MS4A5: variants seen among roughly 807,000 people sequenced by gnomAD.
MS4A5 encodes membrane-spanning 4-domains subfamily A member 5.
MS4A5 carries 15 observed loss-of-function variants against 18.2 expected under a neutral mutation model. That is an observed-to-expected ratio of 0.83 (90% CI 0.55 to 1.27). MS4A5 has a LOEUF of 1.27. Among genes scored for constraint, MS4A5 ranks in the 50% most tolerant of loss-of-function variants. The probability of loss-of-function intolerance (pLI) is 0.00; values close to 1 mark genes in which losing one functional copy is unlikely to be tolerated. For missense variants in MS4A5, 232 were observed against 225.7 expected (o/e 1.03, Z -0.18); for synonymous variants, 89 against 78.7 (o/e 1.13, Z -0.69).
chr11:60,431,120 G>A (rs1048032795), intron 2 of MS4A5, among the ~76,000 whole-genome samples, 196 bp downstream of exon 2: 1 of 152,180 alleles, frequency 6.6e-6, no homozygotes, highest in Admixed American at 6.5e-5. Flanking sequence ...GTTCCTTTGG[G>A]AATACTTCTT....
rs1035100821 is a variant in MS4A5, at chr11:60,429,611, A to G, written c.-64A>G. ...CTCCAGGCAGCCTCAGCACAAGAAA[A>G]GAACATGGTCTAGACTGAAGTACCA... is the stretch of plus-strand genomic sequence containing the variant. On this transcript the variant is annotated 5_prime_UTR_variant, in exon 1 of 5. Coordinates refer to ENST00000300190, the MANE Select transcript of MS4A5 (RefSeq NM_023945.3). The G allele has an allele frequency of 2.0e-6, 3 of 1,498,644 alleles. No homozygotes were observed. The highest frequency in any genetic ancestry group is 1.3e-5 in the South Asian group (1 of 76,086). The allele number at this position is 1,498,644 out of a possible 1,614,324, so 92.8% of individuals were successfully genotyped here. A position where few individuals can be genotyped will look rare whatever the true frequency, so the allele number is the denominator to read the frequency against.
Position 60,435,248 on chromosome 11 carries a change from A to G in MS4A5, c.492+1331A>G, listed in dbSNP as rs372176753. Among the ~76,000 whole-genome samples the G allele has an allele frequency of 7.2e-4, 110 of 152,232 alleles. 2 individuals carry two copies. In the South Asian group the frequency reaches 0.022, roughly 30 times the overall value. On this transcript the variant is annotated intron_variant, in intron 4 of 4. Coordinates refer to ENST00000300190, the MANE Select transcript of MS4A5 (RefSeq NM_023945.3). ...ATTCCCATCAAATTTTCCATTGAAA[A>G]TTAACAGTAAGCACTCAAAAGAGGC...
At chr11:60,440,678 G>A (rs1413679463) in intron 4 of MS4A5, among the ~76,000 whole-genome samples, 1 of 147,472 alleles carries the variant, frequency 6.8e-6, no homozygotes, top group South Asian at 2.2e-4. Flanking sequence ...ATGAAAAAAT[G>A]CTCACCATCA....
At chr11:60,443,429 A>G (rs1213644259) in intron 4 of MS4A5, among the ~76,000 whole-genome samples, 2 of 152,110 alleles carry the variant, frequency 1.3e-5, no homozygotes, top group Non-Finnish European at 1.5e-5. Flanking sequence ...TAAAAACAAA[A>G]TAATAGAAAT....
chr11:60,429,701 G>A lies in MS4A5; in HGVS notation c.27G>A (p.Pro9=), dbSNP rs768189050. 1.1e-5 allele frequency: 17 copies of A among 1,613,194 alleles called. No homozygotes were observed. The highest frequency in any genetic ancestry group is 1.3e-5 in the African/African-American group (1 of 74,828). Reference sequence around the variant, plus strand: ...TGGATTCAAGCACCGCACACAGTCCGGTGTTTCTGGTATTTCCTCCAGAAA... The same window carrying A: ...TGGATTCAAGCACCGCACACAGTCCAGTGTTTCTGGTATTTCCTCCAGAAA... MDSSTAHS[P]VFLVFPPEIT... Residue 9 remains proline (P), a synonymous_variant, in exon 1 of 5, where the codon CCG becomes CCA. Coordinates refer to ENST00000300190, the MANE Select transcript of MS4A5 (RefSeq NM_023945.3).
Position 60,433,879 on chromosome 11 carries a change from C to A in MS4A5, c.454C>A (p.Gln152Lys). 1 of 1,613,920 alleles carries A rather than the reference C, an allele frequency of 6.2e-7. No individual in the cohort carries two copies. Among genetic ancestry groups the A allele is most frequent in the South Asian group, 1.1e-5 (1 of 91,064 alleles). ...DQNYICGYSHQNSQCKAVTVL... is the reference protein window; with the variant it reads ...DQNYICGYSHKNSQCKAVTVL... ...AAACTACATTTGTGGTTATTCTCACCAAAATAGTCAGTGTAAGGCTGTTAC... is the reference window on the plus strand; with the variant it reads ...AAACTACATTTGTGGTTATTCTCACAAAAATAGTCAGTGTAAGGCTGTTAC... Residue 152 changes from glutamine to lysine, a missense_variant, in exon 4 of 5, where the codon CAA becomes AAA. Transcript: ENST00000300190.
At chr11:60,438,043 T>C (rs1406299625) in intron 4 of MS4A5, among the ~76,000 whole-genome samples, 2 of 152,050 alleles carry the variant, frequency 1.3e-5, no homozygotes, top group Non-Finnish European at 2.9e-5. Context: ...CCTCAGCAAA[T>C]GTAAAAGAAC....
intron 4 of MS4A5, among the ~76,000 whole-genome samples, chr11:60,447,270 G>C (rs547411106): frequency 3.1e-4 from 34 of 108,782 alleles, no homozygotes; most frequent in South Asian, 9.2e-4. Context: ...CTATCCTATG[G>C]TATCCTATGC....
intron 4 of MS4A5, among the ~76,000 whole-genome samples, chr11:60,440,592 C>A (rs1157600214): frequency 6.7e-6 from 1 of 148,946 alleles, no homozygotes; most frequent in Non-Finnish European, 1.5e-5. Context: ...AAAAAACAAA[C>A]AACCCCATCA....
At chr11:60,445,499 A>G (rs2086134001) in intron 4 of MS4A5, among the ~76,000 whole-genome samples, 1 of 152,156 alleles carries the variant, frequency 6.6e-6, no homozygotes, top group South Asian at 2.1e-4. Context: ...AGCTCAGGCA[A>G]TCCACCAGCC....
At chr11:60,433,653 T>C (rs1280549528) in intron 3 of MS4A5, 112 bp from the exon 4 acceptor site, 1 of 1,000,212 alleles carries the variant, frequency 1.0e-6, no homozygotes, top group Non-Finnish European at 1.5e-6. Flanking sequence ...AGCTGCCTCG[T>C]GGCATTAAGA....
intron 1 of MS4A5, 26 bp from the exon 2 acceptor site, chr11:60,430,770 A>G (rs1565185986): frequency 6.2e-7 from 1 of 1,606,592 alleles, no homozygotes. Context: ...GCTTTTCCTC[A>G]CCATGACTTT....
At chr11:60,433,704 TG>T in intron 3 of MS4A5, 60 bp from the exon 4 acceptor site, 1 of 1,525,648 alleles carries the variant, frequency 6.6e-7, no homozygotes, top group Middle Eastern at 1.7e-4. Flanking sequence ...CCGCACTCAT[TG>T]CTTTGTTTGT....
At chr11:60,435,597 G>T in intron 4 of MS4A5, 1 of 283,380 alleles carries the variant, frequency 3.5e-6, no homozygotes, top group Non-Finnish European at 6.9e-6. Flanking sequence ...GCCGAAGCAG[G>T]GCGAGGCATT....
chr11:60,436,320 G>C (rs1454911735), intron 4 of MS4A5, among the ~76,000 whole-genome samples: 2 of 141,390 alleles, frequency 1.4e-5, no homozygotes, highest in Non-Finnish European at 3.2e-5. Context: ...CCACAAAGAT[G>C]GGGAAAAAAC....
intron 4 of MS4A5, among the ~76,000 whole-genome samples, chr11:60,444,545 C>A (rs890515974): frequency 6.6e-6 from 1 of 151,978 alleles, no homozygotes; most frequent in Admixed American, 6.6e-5. Context: ...GACCCACATC[C>A]AGAATATATT....
chr11:60,442,207 T>C (rs1283000807), intron 4 of MS4A5, among the ~76,000 whole-genome samples: 2 of 152,238 alleles, frequency 1.3e-5, no homozygotes, highest in African/African-American at 4.8e-5. Flanking sequence ...TAAAATTATA[T>C]GTATTTATCA....
chr11:60,430,270 A>C (rs10897060), intron 1 of MS4A5, among the ~76,000 whole-genome samples: 92,284 of 151,482 alleles, frequency 0.61, 28,458 homozygotes, highest in East Asian at 0.72. Flanking sequence ...AAAAAAAAAA[A>C]AACCCGAAGA....
intron 4 of MS4A5, among the ~76,000 whole-genome samples, chr11:60,436,796 T>C (rs1032783981): frequency 2.9e-5 from 4 of 136,076 alleles, no homozygotes; most frequent in Non-Finnish European, 4.9e-5. Flanking sequence ...CTACATCTGA[T>C]TGGTGTACCT....
Sources: gnomAD v4.1 joint callset for allele counts (sites outside exome capture counted in the v4.1 genomes callset) on GRCh38, gnomAD v4.1.1 for gene constraint, MANE v1.5 for transcripts, NCBI Gene and HGNC (gene_info 2026-07-23, HGNC 2026-07-21) for gene names.